Variants in CLASP1 observed in about 807,000 individuals in gnomAD.
The protein encoded by CLASP1 is cytoplasmic linker associated protein 1.
CLASP1 carries 38 observed loss-of-function variants against 192.3 expected under a neutral mutation model. The observed-to-expected ratio is 0.20, with a 90% CI of 0.15 to 0.26. The LOEUF (loss-of-function observed/expected upper bound fraction) is 0.26. CLASP1 is among the 10% of genes least tolerant of loss of function. The pLI, the probability that CLASP1 is intolerant of heterozygous loss-of-function variation, is 1.00. For synonymous variants in CLASP1, 691 were observed against 712.8 expected, an observed-to-expected ratio of 0.97 and a Z score of 0.49; for missense variants, 1,433 against 1,932.5, an observed-to-expected ratio of 0.74 and a Z score of 4.85.
At chr2:121,410,265 T>G (rs188842339) in intron 24 of CLASP1, among the ~76,000 whole-genome samples, 2 of 152,316 alleles carry the variant, frequency 1.3e-5, no homozygotes, top group Admixed American at 6.5e-5. Flanking sequence ...CTAGGAAACT[T>G]TTTGGTATAA....
intron 2 of CLASP1, among the ~76,000 whole-genome samples, chr2:121,581,260 CTTTTTTTT>C (rs60345742): frequency 1.0e-4 from 6 of 57,670 alleles, no homozygotes; most frequent in African/African-American, 3.6e-4. Flanking sequence ...GCCTTTTGTT[CTTTTTTTT>C]TTTTTTTTTT....
Position 121,539,748 on chromosome 2 carries a change from A to T in CLASP1, c.196-9423T>A, listed in dbSNP as rs192169966. ...TAAGCAACAACAGGCTTGTTTCTAG[A>T]ATATATAAAGGTGCTCTACAAAGCA... On this transcript the variant is annotated intron_variant, in intron 2 of 39. Transcript: ENST00000263710. 2.1e-4 allele frequency among the ~76,000 whole-genome samples: 32 copies of T among 152,334 alleles called. No homozygotes were observed. The East Asian group carries it at 5.8e-3, about 28-fold the overall frequency.
At chr2:121,622,597 A>C (rs2067566409) in intron 1 of CLASP1, among the ~76,000 whole-genome samples, 1 of 151,516 alleles carries the variant, frequency 6.6e-6, no homozygotes, top group Non-Finnish European at 1.5e-5. Flanking sequence ...TAAGTTCTGC[A>C]TTTCTTTTGT....
At chr2:121,625,761 T>C (rs573730310) in intron 1 of CLASP1, among the ~76,000 whole-genome samples, 2 of 151,556 alleles carry the variant, frequency 1.3e-5, no homozygotes, top group Non-Finnish European at 1.5e-5. Context: ...AAGAGGTTCC[T>C]GAAACAGAAA....
intron 7 of CLASP1, among the ~76,000 whole-genome samples, chr2:121,507,000 T>C (rs1308801997): frequency 6.6e-6 from 1 of 152,192 alleles, no homozygotes; most frequent in African/African-American, 2.4e-5. Flanking sequence ...CAATATATTA[T>C]TTCAAGTGTC....
At position 121,462,648 on chromosome 2, in the gene CLASP1, G is replaced by A. The variant is rs778252092; in HGVS notation, c.866-43C>T. The A allele has an allele frequency of 2.0e-4, 222 of 1,131,764 alleles. 2 individuals carry two copies. The Admixed American group carries it at 3.8e-3, about 20-fold the overall frequency. The allele number at this position is 1,131,764 out of a possible 1,614,324, so 70.1% of individuals were successfully genotyped here. ...AAAAATGTAAACAATATGAAACAACGTCTATAACACATACACTGAAGAAGT... is the reference window on the plus strand; with the variant it reads ...AAAAATGTAAACAATATGAAACAACATCTATAACACATACACTGAAGAAGT... On this transcript the variant is annotated intron_variant, in intron 9 of 39. Transcript: ENST00000263710.
At chr2:121,541,500 C>T (rs2095232729) in intron 2 of CLASP1, among the ~76,000 whole-genome samples, 1 of 152,178 alleles carries the variant, frequency 6.6e-6, no homozygotes. Context: ...ACACCAAAGC[C>T]ATTTTCACTA....
At chr2:121,403,730 A>C (rs2076475310) in intron 26 of CLASP1, 2 of 464,338 alleles carry the variant, frequency 4.3e-6, no homozygotes, top group African/African-American at 4.0e-5. Flanking sequence ...CCACCCCTGG[A>C]AAGTGTTCTG....
intron 1 of CLASP1, among the ~76,000 whole-genome samples, chr2:121,640,123 A>T (rs1440805307): frequency 6.6e-6 from 1 of 152,108 alleles, no homozygotes; most frequent in African/African-American, 2.4e-5. Context: ...CGCAAGGACA[A>T]AAAACCAAAC....
intron 30 of CLASP1, among the ~76,000 whole-genome samples, chr2:121,391,022 G>C (rs375669547): frequency 1.3e-5 from 2 of 152,150 alleles, no homozygotes; most frequent in African/African-American, 4.8e-5. Flanking sequence ...AAACATGGTA[G>C]TGGTTGACAT....
chr2:121,485,749 A>G (rs1199637924), intron 8 of CLASP1, among the ~76,000 whole-genome samples: 2 of 152,168 alleles, frequency 1.3e-5, no homozygotes, highest in Non-Finnish European at 1.5e-5. Context: ...GGCGCCTGTA[A>G]TCCCAGCTAC....
intron 8 of CLASP1, among the ~76,000 whole-genome samples, chr2:121,486,794 T>C (rs891467089): frequency 6.6e-6 from 1 of 152,186 alleles, no homozygotes; most frequent in Admixed American, 6.5e-5. Flanking sequence ...GCTTTAATGA[T>C]CTCTTTCTCC....
chr2:121,497,694 A>G (rs2093587852), intron 8 of CLASP1, among the ~76,000 whole-genome samples: 1 of 152,100 alleles, frequency 6.6e-6, no homozygotes, highest in Non-Finnish European at 1.5e-5. Context: ...AGAAACTAGG[A>G]GGAGGTCAGA....
At chr2:121,516,617 T>C (rs2094302913) in intron 6 of CLASP1, among the ~76,000 whole-genome samples, 1 of 152,234 alleles carries the variant, frequency 6.6e-6, no homozygotes, top group Non-Finnish European at 1.5e-5. Flanking sequence ...ACGGACTGTA[T>C]ATTACACATC....
intron 19 of CLASP1, among the ~76,000 whole-genome samples, chr2:121,430,533 T>C (rs2081211922): frequency 6.6e-6 from 1 of 152,202 alleles, no homozygotes; most frequent in African/African-American, 2.4e-5. Flanking sequence ...AATTTTCTTT[T>C]TTATTGTCTA....
rs148507115 is a variant in CLASP1 at position 121,643,351 on chromosome 2, A to C, written c.-286+6021T>G. On this transcript the variant is annotated intron_variant, in intron 1 of 39. Coordinates refer to ENST00000263710, the Ensembl canonical transcript of CLASP1. Reference sequence around the variant, plus strand: ...AGAAGACTTCAAAAGCCACAACTTCAATATAAGCCAAGATGATGTAGCTAG... The same window carrying C: ...AGAAGACTTCAAAAGCCACAACTTCCATATAAGCCAAGATGATGTAGCTAG... Among the ~76,000 whole-genome samples, 188 of 152,358 alleles carry C rather than the reference A, an allele frequency of 1.2e-3. 6 individuals carry two copies. In the East Asian group the frequency reaches 0.033, roughly 26 times the overall value.
intron 6 of CLASP1, among the ~76,000 whole-genome samples, chr2:121,518,384 G>A (rs1220419506): frequency 6.6e-6 from 1 of 151,944 alleles, no homozygotes; most frequent in Non-Finnish European, 1.5e-5. Context: ...ATAGTGAGAT[G>A]GCAGCCATCT....
At chr2:121,522,412 G>A (rs2094478108) in intron 6 of CLASP1, among the ~76,000 whole-genome samples, 1 of 152,152 alleles carries the variant, frequency 6.6e-6, no homozygotes, top group East Asian at 1.9e-4. Context: ...CCTGACCAAA[G>A]CCTAGGGCTT....
intron 1 of CLASP1, among the ~76,000 whole-genome samples, chr2:121,611,123 A>AGGTGTT (rs2065363979): frequency 7.3e-6 from 1 of 137,382 alleles, no homozygotes; most frequent in Admixed American, 7.1e-5. Flanking sequence ...CTGGAGGAGG[A>AGGTGTT]GGAGGAGTTA....
Sources: allele counts gnomAD v4.1 joint callset (sites outside exome capture counted in the v4.1 genomes callset), GRCh38; gene constraint gnomAD v4.1.1; transcripts MANE v1.5; gene names NCBI Gene and HGNC (gene_info 2026-07-23, HGNC 2026-07-21).